DPP4: variants seen among roughly 807,000 people sequenced by gnomAD.
DPP4 encodes dipeptidyl peptidase 4, also known as ADCP-2.
In DPP4, 93 loss-of-function variants were observed where a neutral mutation model predicts 122.4. The observed-to-expected ratio is 0.76, with a 90% confidence interval of 0.64 to 0.90. The LOEUF (loss-of-function observed/expected upper bound fraction) is 0.90, where lower values mean the gene tolerates loss of function less well. DPP4 is among the 40% of genes least tolerant of loss of function. DPP4 has a pLI of 0.00. For missense variants in DPP4, 914 were observed against 907.3 expected (o/e 1.01, Z -0.09); for synonymous variants, 321 against 302.9 (o/e 1.06, Z -0.62).
chr2:162,024,965 CAG>C (rs751937104), intron 10 of DPP4, 26 bp from the exon 11 acceptor site: 18 of 1,608,180 alleles, frequency 1.1e-5, no homozygotes, highest in East Asian at 2.2e-5. Context: ...AAAGGAAGGA[CAG>C]AGAGAGAGAA....
intron 23 of DPP4, among the ~76,000 whole-genome samples, chr2:162,003,783 A>G (rs1343569992): frequency 1.3e-5 from 2 of 152,214 alleles, no homozygotes; most frequent in African/African-American, 4.8e-5. Context: ...TTTTTAAGTT[A>G]AATCAGGAAA....
Position 162,018,605 on chromosome 2 carries a change from G to GT in DPP4, c.1420+123dup, listed in dbSNP as rs542673490. On this transcript the variant is annotated intron_variant, in intron 16 of 25. Coordinates refer to ENST00000360534, the MANE Select transcript of DPP4 (RefSeq NM_001935.4). Reference sequence around the variant, plus strand: ...GATTGTTTATGCTCACTACTTAAATGTGAGTGGAGAGAAGGGGACTTAGGT... The same window carrying GT: ...GATTGTTTATGCTCACTACTTAAATGTTGAGTGGAGAGAAGGGGACTTAGGT... 1,300 of 1,248,180 alleles carry GT rather than the reference G, an allele frequency of 1.0e-3. 1 individual carries two copies. Among genetic ancestry groups the GT allele is most frequent in the Non-Finnish European group, 1.3e-3 (1,195 of 913,134 alleles). 77.3% of individuals were successfully genotyped at this position (1,248,180 alleles called of 1,614,324 possible).
chr2:162,066,717 T>C (rs934753103), intron 2 of DPP4, among the ~76,000 whole-genome samples: 1 of 152,202 alleles, frequency 6.6e-6, no homozygotes, highest in African/African-American at 2.4e-5. Context: ...GAAAGTTCAA[T>C]ATTGGGCATT....
At chr2:162,024,490 CT>C (rs1683247164) in intron 11 of DPP4, among the ~76,000 whole-genome samples, 1 of 152,188 alleles carries the variant, frequency 6.6e-6, no homozygotes, top group African/African-American at 2.4e-5. Flanking sequence ...CTTGCAGGTG[CT>C]GGCCCTCTTT....
At chr2:162,038,622 C>T (rs1047632646) in intron 7 of DPP4, among the ~76,000 whole-genome samples, 200 bp from the exon 8 acceptor site, 2 of 152,056 alleles carry the variant, frequency 1.3e-5, no homozygotes, top group East Asian at 3.8e-4. Flanking sequence ...AATCCTAAAA[C>T]CATTAATAAT....
chr2:162,016,698 A>C (rs1682939196), intron 18 of DPP4, 70 bp downstream of exon 18: 2 of 964,052 alleles, frequency 2.1e-6, no homozygotes, highest in Non-Finnish European at 3.1e-6. Context: ...ATATTTTCAG[A>C]TCGAATTACT....
intron 2 of DPP4, among the ~76,000 whole-genome samples, chr2:162,057,626 G>A (rs1385420177): frequency 6.6e-6 from 1 of 152,080 alleles, no homozygotes; most frequent in African/African-American, 2.4e-5. Flanking sequence ...AGCAGCTAGG[G>A]GGATTATAAA....
At chr2:162,061,319 G>A (rs560244172) in intron 2 of DPP4, among the ~76,000 whole-genome samples, 4 of 152,206 alleles carry the variant, frequency 2.6e-5, no homozygotes, top group Non-Finnish European at 4.4e-5. Flanking sequence ...AAGCCATCTG[G>A]ACAAACTTCT....
At chr2:162,002,512 T>C (rs1485738584) in intron 23 of DPP4, among the ~76,000 whole-genome samples, 1 of 152,200 alleles carries the variant, frequency 6.6e-6, no homozygotes, top group African/African-American at 2.4e-5. Flanking sequence ...CTCAGTGTAC[T>C]GAAAAGAGTC....
At chr2:162,018,979 T>A (rs79419640) in intron 15 of DPP4, 129 bp from the exon 16 acceptor site, 256 of 1,124,120 alleles carry the variant, frequency 2.3e-4, no homozygotes, top group Non-Finnish European at 3.1e-4. Flanking sequence ...TTTTTTTTTT[T>A]AGCATGAAAT....
At chr2:162,041,964 G>A (rs1383840230) in intron 5 of DPP4, among the ~76,000 whole-genome samples, 2 of 152,110 alleles carry the variant, frequency 1.3e-5, no homozygotes, top group African/African-American at 4.8e-5. Flanking sequence ...GGGAGAGGCA[G>A]GAATCATAAA....
At chr2:162,003,906 C>G (rs911416938) in intron 23 of DPP4, among the ~76,000 whole-genome samples, 1 of 151,996 alleles carries the variant, frequency 6.6e-6, no homozygotes, top group Non-Finnish European at 1.5e-5. Flanking sequence ...CCTATTAGTT[C>G]AAGGTGGAAT....
intron 5 of DPP4, among the ~76,000 whole-genome samples, chr2:162,044,325 G>A (rs1025347173): frequency 9.2e-5 from 14 of 152,116 alleles, no homozygotes; most frequent in African/African-American, 2.2e-4. Context: ...TAAATATTAC[G>A]ATTAACAGTC....
intron 8 of DPP4, among the ~76,000 whole-genome samples, chr2:162,036,979 C>A (rs979755592): frequency 6.6e-6 from 1 of 152,070 alleles, no homozygotes; most frequent in African/African-American, 2.4e-5. Context: ...TATAATCAGA[C>A]CAAGATTTTG....
chr2:162,035,013 A>T, intron 9 of DPP4, 151 bp downstream of exon 9: 1 of 659,812 alleles, frequency 1.5e-6, no homozygotes. Context: ...AAAATACTTT[A>T]AAATTGCCAG....
At chr2:162,014,359 A>T in intron 19 of DPP4, 37 bp downstream of exon 19, 1 of 1,536,818 alleles carries the variant, frequency 6.5e-7, no homozygotes, top group Non-Finnish European at 9.0e-7. Flanking sequence ...TATATGACTC[A>T]ATACTTCTAA....
chr2:162,016,626 G>C, intron 18 of DPP4, 142 bp downstream of exon 18: 1 of 536,078 alleles, frequency 1.9e-6, no homozygotes, highest in East Asian at 3.2e-5. Context: ...AGTATTTCTT[G>C]TGACAAAACA....
chr2:162,024,759 G>T, intron 11 of DPP4, 45 bp downstream of exon 11: 3 of 1,601,200 alleles, frequency 1.9e-6, no homozygotes, highest in Admixed American at 1.7e-5. Context: ...CAGACCCTCT[G>T]ATCACATGTT....
chr2:162,030,315 G>A (rs112672857), intron 10 of DPP4, among the ~76,000 whole-genome samples: 29 of 152,330 alleles, frequency 1.9e-4, no homozygotes, highest in African/African-American at 5.8e-4. Context: ...TGTTGGAAAC[G>A]CAGCCTGGCT....
Sources: gnomAD v4.1 joint callset for allele counts (sites outside exome capture counted in the v4.1 genomes callset) on GRCh38, gnomAD v4.1.1 for gene constraint, MANE v1.5 for transcripts, NCBI Gene and HGNC (gene_info 2026-07-23, HGNC 2026-07-21) for gene names.